Variants in NEB observed in about 807,000 individuals in gnomAD.
NEB encodes nemaline myopathy type 2.
NEB carries 512 observed loss-of-function variants against 952.2 expected under a neutral mutation model. The ratio of observed to expected loss-of-function variants is 0.54; its 90% CI spans 0.50 to 0.58. NEB has a LOEUF of 0.58. NEB is among the 20% of genes least tolerant of loss of function. The pLI, the probability that NEB is intolerant of heterozygous loss-of-function variation, is 0.00. For synonymous variants in NEB, 2,900 were observed against 3,149.8 expected, an observed-to-expected ratio of 0.92 and a Z score of 2.66; for missense variants, 8,428 against 9,231.1, an observed-to-expected ratio of 0.91 and a Z score of 3.56.
At chr2:151,569,615 G>C (rs1466910060) in intron 109 of NEB, among the ~76,000 whole-genome samples, 2 of 152,130 alleles carry the variant, frequency 1.3e-5, no homozygotes, top group Non-Finnish European at 2.9e-5. Flanking sequence ...GTTACTAAGG[G>C]ATAATTCAGA....
intron 145 of NEB, 56 bp downstream of exon 145, chr2:151,530,938 A>G (rs548769915): frequency 2.6e-6 from 3 of 1,157,388 alleles, no homozygotes; most frequent in Non-Finnish European, 3.8e-6. Context: ...GGTTTGTTAC[A>G]TCTCATTAGA....
intron 167 of NEB, among the ~76,000 whole-genome samples, chr2:151,502,058 C>T (rs1391634629): frequency 1.3e-5 from 2 of 152,088 alleles, no homozygotes; most frequent in Non-Finnish European, 2.9e-5. Flanking sequence ...TTAAGAAAAG[C>T]TGCAAACCAG....
At chr2:151,613,735 G>A (rs1433507127) in intron 77 of NEB, among the ~76,000 whole-genome samples, 3 of 152,094 alleles carry the variant, frequency 2.0e-5, no homozygotes, top group Non-Finnish European at 4.4e-5. Context: ...ATGAGATCCA[G>A]GTGCTTAAAA....
chr2:151,732,416 C>T (rs2099811161), intron 3 of NEB, among the ~76,000 whole-genome samples: 2 of 151,962 alleles, frequency 1.3e-5, no homozygotes, highest in Admixed American at 1.3e-4. Flanking sequence ...GTTAGATGTC[C>T]ACTAATAATT....
chr2:151,514,085 T>C (rs1023733552), intron 159 of NEB, among the ~76,000 whole-genome samples: 1 of 152,174 alleles, frequency 6.6e-6, no homozygotes, highest in African/African-American at 2.4e-5. Flanking sequence ...TCAAATAATA[T>C]TAGATAATAG....
rs147106649 is a variant in NEB, at chr2:151,551,724, T to A, written c.19944+14A>T. The A allele has an allele frequency of 2.8e-4, 443 of 1,606,516 alleles. No homozygotes were observed. Among genetic ancestry groups the A allele is most frequent in the Non-Finnish European group, 3.4e-4 (401 of 1,173,590 alleles). The stretch of plus-strand genomic sequence containing the variant: ...CGGATTTCTGCTGGGCACTCTCAAG[T>A]TCTCACTGCTCACCGAACTCTGGAG... On this transcript the variant is annotated intron_variant, in intron 129 of 181. Transcript: ENST00000397345.
intron 157 of NEB, among the ~76,000 whole-genome samples, chr2:151,515,413 A>G (rs115266621): frequency 0.015 from 2,277 of 152,176 alleles, 81 homozygotes; most frequent in East Asian, 0.14. Context: ...GGGTCTTGCT[A>G]TGATGCCCAG....
At position 151,625,463 on chromosome 2, in the gene NEB, A is replaced by G. The variant is rs10186482; in HGVS notation, c.10452+71T>C. 724,936 of 1,220,050 alleles carry G rather than the reference A, an allele frequency of 0.59. 222,670 individuals are homozygous for G. The highest frequency in any genetic ancestry group is 0.69 in the Admixed American group (31,532 of 45,450). 75.6% of individuals were successfully genotyped at this position (1,220,050 alleles called of 1,614,324 possible). ...ACTGGCTTACATGAGGATTAATTTCATAATTCTCACATTCCTACATCGGCA... is the reference window on the plus strand; with the variant it reads ...ACTGGCTTACATGAGGATTAATTTCGTAATTCTCACATTCCTACATCGGCA... On this transcript the variant is annotated intron_variant, in intron 71 of 181. Transcript: ENST00000397345.
chr2:151,653,554 G>A (rs1025010868), intron 52 of NEB, among the ~76,000 whole-genome samples: 1 of 152,072 alleles, frequency 6.6e-6, no homozygotes, highest in Non-Finnish European at 1.5e-5. Context: ...AGTGCAAAAT[G>A]GGCTAAACTG....
intron 62 of NEB, 90 bp downstream of exon 62, chr2:151,639,767 A>C: frequency 2.7e-6 from 3 of 1,106,210 alleles, no homozygotes; most frequent in Non-Finnish European, 3.8e-6. Flanking sequence ...GCCTTTTATT[A>C]CTCAATGTTC....
At chr2:151,488,601 A>G (rs1218948638) in intron 181 of NEB, among the ~76,000 whole-genome samples, 1 of 152,108 alleles carries the variant, frequency 6.6e-6, no homozygotes, top group Non-Finnish European at 1.5e-5. Flanking sequence ...AGCTGTGATC[A>G]TGCCACCACA....
chr2:151,502,727 T>C, intron 167 of NEB, 66 bp downstream of exon 167: 1 of 864,014 alleles, frequency 1.2e-6, no homozygotes, highest in Non-Finnish European at 1.9e-6. Context: ...AATTTTACAT[T>C]TGTAAGGTGT....
In NEB at chr2:151,678,203, G is replaced by A; in HGVS notation, c.3256-16C>T. The A allele has an allele frequency of 2.0e-6, 3 of 1,520,208 alleles. No individual in the cohort carries two copies. The highest frequency in any genetic ancestry group is 2.7e-6 in the Non-Finnish European group (3 of 1,123,874). 94.2% of individuals were successfully genotyped at this position (1,520,208 alleles called of 1,614,324 possible). ...TGTACTGAACCTATTGTAAACAAAG[G>A]TGGGCATAATTTAAAATGTAGTTTT... On this transcript the variant is annotated splice_polypyrimidine_tract_variant and intron_variant, in intron 32 of 181. Coordinates refer to ENST00000397345, the MANE Select transcript of NEB (RefSeq NM_001164508.2).
intron 10 of NEB, among the ~76,000 whole-genome samples, chr2:151,713,937 TAAGAA>T (rs1381181545): frequency 2.0e-5 from 3 of 152,116 alleles, no homozygotes; most frequent in Non-Finnish European, 4.4e-5. Context: ...CTGGGAGCTG[TAAGAA>T]AAGGGTGTGA....
intron 34 of NEB, among the ~76,000 whole-genome samples, chr2:151,675,776 T>TCCCTAGAG (rs780030144): frequency 0.097 from 14,700 of 152,188 alleles, 1,181 homozygotes; most frequent in African/African-American, 0.22. Flanking sequence ...AAGTAGTAGT[T>TCCCTAGAG]AGAATAAGTT....
At chr2:151,651,282 T>C (rs1452758111) in intron 52 of NEB, among the ~76,000 whole-genome samples, 2 of 152,292 alleles carry the variant, frequency 1.3e-5, no homozygotes, top group Non-Finnish European at 2.9e-5. Context: ...GAAATATATG[T>C]TTGGTTGTGC....
At chr2:151,522,471 A>G (rs1044627973) in intron 153 of NEB, among the ~76,000 whole-genome samples, 1 of 152,228 alleles carries the variant, frequency 6.6e-6, no homozygotes, top group Non-Finnish European at 1.5e-5. Flanking sequence ...GCAACCTAAC[A>G]TACACATACA....
Position 151,655,250 on chromosome 2 carries a change from T to A in NEB, c.6807+20A>T, listed in dbSNP as rs1383644193. 1 of 1,370,120 alleles carries A rather than the reference T, an allele frequency of 7.3e-7. No homozygotes were observed. The highest frequency in any genetic ancestry group is 1.0e-6 in the Non-Finnish European group (1 of 989,756). The allele number at this position is 1,370,120 out of a possible 1,614,324, so 84.9% of individuals were successfully genotyped here. A position where few individuals can be genotyped will look rare whatever the true frequency, so the allele number is the denominator to read the frequency against. On this transcript the variant is annotated intron_variant, in intron 51 of 181. Transcript: ENST00000397345. ...TAAGTTTCAATACAAAACTTAAAAT[T>A]AATTTTTATATAAATTTACCTGACT... is the stretch of plus-strand genomic sequence containing the variant.
At chr2:151,682,852 G>A (rs2099431284) in intron 28 of NEB, 83 bp from the exon 29 acceptor site, 1 of 1,229,948 alleles carries the variant, frequency 8.1e-7, no homozygotes, top group African/African-American at 1.5e-5. Context: ...CCAAAACAAT[G>A]TTTTTGAGAT....
Sources: gnomAD v4.1 joint callset for allele counts (sites outside exome capture counted in the v4.1 genomes callset) on GRCh38, gnomAD v4.1.1 for gene constraint, MANE v1.5 for transcripts, NCBI Gene and HGNC (gene_info 2026-07-23, HGNC 2026-07-21) for gene names.